Variants in RPRD2 observed in about 807,000 individuals in gnomAD.
RPRD2 encodes regulation of nuclear pre-mRNA domain-containing protein 2.
In RPRD2, 12 loss-of-function variants were observed where a neutral mutation model predicts 104.4. The observed-to-expected ratio is 0.11, with a 90% CI of 0.07 to 0.19. RPRD2 has a LOEUF of 0.19. Among genes scored for constraint, RPRD2 ranks in the 10% least tolerant of loss-of-function variants. The probability of loss-of-function intolerance (pLI) is 1.00; values close to 1 mark genes in which losing one functional copy is unlikely to be tolerated. For missense variants in RPRD2, 1,543 were observed against 1,790.1 expected (o/e 0.86, Z 2.49); for synonymous variants, 714 against 684.9 (o/e 1.04, Z -0.66).
chr1:150,396,735 C>T (rs1445346123), intron 1 of RPRD2, among the ~76,000 whole-genome samples: 1 of 152,016 alleles, frequency 6.6e-6, no homozygotes, highest in African/African-American at 2.4e-5. Flanking sequence ...CCCACATAGC[C>T]AATGCAACAC....
rs753611279 is a variant in RPRD2 at position 150,472,816 on chromosome 1, T to C, written c.3868T>C (p.Ser1290Pro). 1.2e-6 allele frequency: 2 copies of C among 1,610,384 alleles called. No individual in the cohort carries two copies. The highest frequency in any genetic ancestry group is 1.7e-5 in the Admixed American group (1 of 59,858). ...CAGTGGTGGGAGTGGTGTCCCCTTT[T>C]CTACTCCACCCCCTCCTCCACCCCC... ...SSSGGSGVPF[S>P]TPPPPPPPVD... The change falls in exon 11 of 11, where the codon TCT (serine) becomes CCT (proline). Residue 1290 changes from serine to proline, a missense_variant. By Grantham distance (74) the Ser-to-Pro change is moderately conservative. This residue lies in a region of RPRD2 where 880 missense variants were observed against 885.6 expected (regional missense o/e 0.99). Transcript: ENST00000369068.
chr1:150,440,461 C>A (rs587698982), intron 2 of RPRD2, among the ~76,000 whole-genome samples: 1 of 152,208 alleles, frequency 6.6e-6, no homozygotes. Flanking sequence ...CTCATTGTTA[C>A]TATGTATTCT....
intron 1 of RPRD2, among the ~76,000 whole-genome samples, chr1:150,381,597 T>C (rs1297858873): frequency 6.6e-6 from 1 of 151,270 alleles, no homozygotes; most frequent in East Asian, 2.0e-4. Context: ...CTCTGCCTCC[T>C]GGGTTCATGC....
chr1:150,444,200 A>G, intron 5 of RPRD2, 51 bp from the exon 6 acceptor site: 3 of 1,556,344 alleles, frequency 1.9e-6, no homozygotes, highest in Non-Finnish European at 2.6e-6. Context: ...AGAGAGAATG[A>G]GAATAATTGA....
intron 1 of RPRD2, among the ~76,000 whole-genome samples, chr1:150,366,800 A>C (rs1659876062): frequency 1.3e-5 from 2 of 152,212 alleles, no homozygotes; most frequent in Non-Finnish European, 2.9e-5. Flanking sequence ...CCTATTTTAA[A>C]ACATTTTTAC....
chr1:150,441,866 T>A lies in RPRD2; in HGVS notation c.437-15T>A. The stretch of plus-strand genomic sequence containing the variant: ...TCCCATAATGCCAGATTGCAAAAAC[T>A]GAAATGTTTTCCAGGTACCACTTTC... On this transcript the variant is annotated splice_polypyrimidine_tract_variant and intron_variant, in intron 3 of 10. Coordinates refer to ENST00000369068, the MANE Select transcript of RPRD2 (RefSeq NM_015203.5). 1 of 1,606,666 alleles carries A rather than the reference T, an allele frequency of 6.2e-7. No homozygotes were observed. The highest frequency in any genetic ancestry group is 8.5e-7 in the Non-Finnish European group (1 of 1,175,444).
chr1:150,441,216 A>T, intron 3 of RPRD2, 193 bp downstream of exon 3: 2 of 462,274 alleles, frequency 4.3e-6, no homozygotes, highest in Middle Eastern at 5.8e-4. Flanking sequence ...GGTTTTAGGG[A>T]TGGGGTCGGA....
chr1:150,422,548 C>T (rs587638908), intron 2 of RPRD2, among the ~76,000 whole-genome samples: 103 of 151,912 alleles, frequency 6.8e-4, no homozygotes, highest in African/African-American at 2.4e-3. Flanking sequence ...AGAAAAAATT[C>T]ACTTAATAGG....
Position 150,473,000 on chromosome 1 carries a change from G to T in RPRD2, c.4052G>T (p.Gly1351Val), listed in dbSNP as rs760213241. 6.2e-7 allele frequency: 1 copy of T among 1,614,014 alleles called. No homozygotes were observed. The highest frequency in any genetic ancestry group is 1.7e-5 in the Admixed American group (1 of 60,030). The change falls in exon 11 of 11, where the codon GGC becomes GTC. Residue 1351 changes from glycine to valine, a missense_variant. By Grantham distance (109) the Gly-to-Val change is moderately radical. This residue lies in a region of RPRD2 where 880 missense variants were observed against 885.6 expected (regional missense o/e 0.99). Transcript: ENST00000369068. ...CTCCCAGGACCCAGGGACCACGGGG[G>T]CCCCACCCAACGGGACCTCAACGGC... ...GVLPGPRDHGGPTQRDLNGPG... is the reference protein window; with the variant it reads ...GVLPGPRDHGVPTQRDLNGPG...
chr1:150,433,538 A>G (rs1330712095), intron 2 of RPRD2, among the ~76,000 whole-genome samples: 1 of 134,824 alleles, frequency 7.4e-6, no homozygotes, highest in Non-Finnish European at 1.5e-5. Context: ...TCCTCCTTCC[A>G]GGTTCATGCC....
intron 1 of RPRD2, among the ~76,000 whole-genome samples, chr1:150,391,920 TA>T (rs1229725898): frequency 7.0e-6 from 1 of 143,398 alleles, no homozygotes; most frequent in East Asian, 2.1e-4. Context: ...AAAATAAAAA[TA>T]AAAAAAAGGA....
At chr1:150,380,015 G>A (rs1553880434) in intron 1 of RPRD2, among the ~76,000 whole-genome samples, 1 of 152,114 alleles carries the variant, frequency 6.6e-6, no homozygotes, top group Non-Finnish European at 1.5e-5. Context: ...CATATTGCCC[G>A]ATCGTCTCTA....
At chr1:150,440,502 CATGTTACAG>C (rs1553894164) in intron 2 of RPRD2, among the ~76,000 whole-genome samples, 38 of 152,228 alleles carry the variant, frequency 2.5e-4, no homozygotes, top group Admixed American at 1.1e-3. Context: ...TTTTAGAAAA[CATGTTACAG>C]TATGTGATTG....
At chr1:150,410,793 A>T (rs960012838) in intron 1 of RPRD2, among the ~76,000 whole-genome samples, 4 of 152,210 alleles carry the variant, frequency 2.6e-5, no homozygotes, top group Non-Finnish European at 5.9e-5. Context: ...TGGGTGGCTT[A>T]AACAAAGAAA....
intron 4 of RPRD2, among the ~76,000 whole-genome samples, chr1:150,442,280 T>C (rs1666460210): frequency 6.6e-6 from 1 of 152,062 alleles, no homozygotes; most frequent in African/African-American, 2.4e-5. Flanking sequence ...TTCAAGGATA[T>C]ATGATGTTAG....
At chr1:150,401,958 ATT>A (rs58949257) in intron 1 of RPRD2, among the ~76,000 whole-genome samples, 31,915 of 135,196 alleles carry the variant, frequency 0.24, 3,973 homozygotes, top group African/African-American at 0.34. Flanking sequence ...TTTTTTTTTA[ATT>A]TTTTTTTTTT....
rs1659669533 is a variant in RPRD2 at position 150,364,476 on chromosome 1, T to C, written c.-239T>C. On this transcript the variant is annotated 5_prime_UTR_variant, in exon 1 of 11. Coordinates refer to ENST00000369068, the MANE Select transcript of RPRD2 (RefSeq NM_015203.5). Reference sequence around the variant, plus strand: ...TTAAACACGACCCCTTGAACAATATTGATAAAACCTCCGAGACCCGCAGCC... The same window carrying C: ...TTAAACACGACCCCTTGAACAATATCGATAAAACCTCCGAGACCCGCAGCC... Among the ~76,000 whole-genome samples, 1 of 152,004 alleles carries C rather than the reference T, an allele frequency of 6.6e-6. No individual in the cohort carries two copies. Among genetic ancestry groups the C allele is most frequent in the Non-Finnish European group, 1.5e-5 (1 of 67,982 alleles).
chr1:150,422,508 A>G (rs1553889897), intron 2 of RPRD2, among the ~76,000 whole-genome samples: 1 of 152,010 alleles, frequency 6.6e-6, no homozygotes, highest in East Asian at 1.9e-4. Flanking sequence ...CCTGGCAGGT[A>G]ATATAGATGA....
In RPRD2 at chr1:150,457,458, G is replaced by A; in HGVS notation, c.1041G>A (p.Gln347=). Residue 347 remains glutamine (Q), a synonymous_variant, in exon 8 of 11, where the codon CAG becomes CAA. Coordinates refer to ENST00000369068, the MANE Select transcript of RPRD2 (RefSeq NM_015203.5). ...PFQGMGGEES[Q]SPTMESEKSA... is the part of the protein sequence containing the mutation. ...AGGGAATGGGAGGTGAGGAATCCCA[G>A]TCACCAACCATGGAGAGTGAGAAAT... The A allele has an allele frequency of 6.2e-7, 1 of 1,613,842 alleles. No homozygotes were observed. Among genetic ancestry groups the A allele is most frequent in the African/African-American group, 1.3e-5 (1 of 75,010 alleles).
Sources: allele counts gnomAD v4.1 joint callset (sites outside exome capture counted in the v4.1 genomes callset), GRCh38; gene constraint gnomAD v4.1.1; regional missense constraint gnomAD v4.1.1; transcripts MANE v1.5; gene names NCBI Gene and HGNC (gene_info 2026-07-23, HGNC 2026-07-21).